SP140L: variants seen among roughly 807,000 people sequenced by gnomAD.
SP140L encodes the protein SP140 like nuclear body protein, also known as nuclear body protein SP140-like protein.
Under a neutral mutation model 84.3 loss-of-function variants are expected in SP140L, and 64 were observed. The observed-to-expected ratio is 0.76, with a 90% CI of 0.62 to 0.94. SP140L has a LOEUF of 0.94. Among genes scored for constraint, SP140L ranks in the 40% least tolerant of loss-of-function variants. SP140L has a pLI of 0.00. For synonymous variants in SP140L, 242 were observed against 236.9 expected, an observed-to-expected ratio of 1.02 and a Z score of -0.20; for missense variants, 628 against 692.5, an observed-to-expected ratio of 0.91 and a Z score of 1.05.
At chr2:230,354,844 GAAAGGAAA>G (rs1234302887) in intron 2 of SP140L, among the ~76,000 whole-genome samples, 9 of 83,806 alleles carry the variant, frequency 1.1e-4, no homozygotes, top group African/African-American at 2.9e-4. Flanking sequence ...AAGAAAGAAA[GAAAGGAAA>G]GAAAGAAAGA....
rs763479508 is a variant in SP140L, at chr2:230,357,797, T to C, written c.108-8T>C. On this transcript the variant is annotated splice_region_variant and splice_polypyrimidine_tract_variant and intron_variant, in intron 2 of 18. Transcript: ENST00000415673. ...TGACCATTTTCATTTGGTGTCCTTT[T>C]TCCTTAGGCTGTTCACGGAAGACCA... 45 of 1,594,680 alleles carry C rather than the reference T, an allele frequency of 2.8e-5. No individual in the cohort carries two copies. The highest frequency in any genetic ancestry group is 3.7e-5 in the Non-Finnish European group (43 of 1,173,688).
intron 10 of SP140L, among the ~76,000 whole-genome samples, chr2:230,389,055 A>C (rs965344367): frequency 6.6e-6 from 1 of 152,120 alleles, no homozygotes; most frequent in Non-Finnish European, 1.5e-5. Flanking sequence ...AAAATCTTTG[A>C]CTGTGTGATC....
At chr2:230,341,733 C>A (rs1291403333) in intron 2 of SP140L, among the ~76,000 whole-genome samples, 1 of 152,032 alleles carries the variant, frequency 6.6e-6, no homozygotes. Context: ...AGCTGCAGGT[C>A]TGTTGGAGTA....
chr2:230,333,164 A>AT (rs777170281), intron 2 of SP140L, among the ~76,000 whole-genome samples: 8,078 of 143,542 alleles, frequency 0.056, 621 homozygotes, highest in African/African-American at 0.17. Context: ...TGCCATTCTG[A>AT]TTTTTTTTTT....
At chr2:230,386,345 A>T (rs1245250259) in intron 9 of SP140L, among the ~76,000 whole-genome samples, 2 of 152,194 alleles carry the variant, frequency 1.3e-5, no homozygotes, top group African/African-American at 4.8e-5. Context: ...ACAATTGGTC[A>T]TTCTACTTGG....
At chr2:230,365,907 T>C (rs2060854105) in intron 5 of SP140L, among the ~76,000 whole-genome samples, 1 of 152,150 alleles carries the variant, frequency 6.6e-6, no homozygotes, top group Admixed American at 6.5e-5. Context: ...CAAGAGTGTG[T>C]TTAATTTCCA....
At chr2:230,341,779 G>T (rs1416029983) in intron 2 of SP140L, among the ~76,000 whole-genome samples, 2 of 152,142 alleles carry the variant, frequency 1.3e-5, no homozygotes, top group East Asian at 3.9e-4. Context: ...CCCCTGCTGG[G>T]GGGTGCCTCC....
At chr2:230,352,029 A>G (rs2060380027) in intron 2 of SP140L, among the ~76,000 whole-genome samples, 1 of 152,228 alleles carries the variant, frequency 6.6e-6, no homozygotes, top group African/African-American at 2.4e-5. Flanking sequence ...TTTTAAAATT[A>G]CTACTTTTTT....
At chr2:230,384,630 T>G (rs1028122439) in intron 8 of SP140L, among the ~76,000 whole-genome samples, 2 of 152,292 alleles carry the variant, frequency 1.3e-5, no homozygotes, top group African/African-American at 4.8e-5. Context: ...TGGGTGTTTT[T>G]GGCCGGGCAT....
intron 14 of SP140L, 66 bp downstream of exon 14, chr2:230,396,864 T>C: frequency 6.3e-7 from 1 of 1,579,808 alleles, no homozygotes; most frequent in Non-Finnish European, 8.7e-7. Flanking sequence ...ATATGTTCTG[T>C]GTCATGACTG....
intron 2 of SP140L, among the ~76,000 whole-genome samples, chr2:230,329,802 T>G (rs748781883): frequency 2.0e-5 from 3 of 152,212 alleles, no homozygotes; most frequent in Non-Finnish European, 4.4e-5. Flanking sequence ...CAAAACAGAT[T>G]AATACATCTA....
Position 230,401,070 on chromosome 2 carries a change from C to G in SP140L, c.1422+7C>G. 1 of 1,151,784 alleles carries G rather than the reference C, an allele frequency of 8.7e-7. No homozygotes were observed. Among genetic ancestry groups the G allele is most frequent in the Non-Finnish European group, 1.2e-6 (1 of 814,996 alleles). The allele number at this position is 1,151,784 out of a possible 1,614,324, so 71.3% of individuals were successfully genotyped here. A position where few individuals can be genotyped will look rare whatever the true frequency, so the allele number is the denominator to read the frequency against. ...GTGTCCTGAGGAACAGTTGGTAAAT[C>G]AGATGCAAACCCCAAGCCTTCTCCT... On this transcript the variant is annotated splice_region_variant and intron_variant, in intron 16 of 18. Coordinates refer to ENST00000415673, the MANE Select transcript of SP140L (RefSeq NM_138402.6).
chr2:230,402,285 A>G (rs1178766671), intron 18 of SP140L, among the ~76,000 whole-genome samples: 1 of 152,218 alleles, frequency 6.6e-6, no homozygotes, highest in Admixed American at 6.5e-5. Flanking sequence ...CACTATCTGA[A>G]TTGTTGAAAG....
chr2:230,389,317 T>G (rs1230202570), intron 10 of SP140L, among the ~76,000 whole-genome samples: 2 of 152,150 alleles, frequency 1.3e-5, no homozygotes, highest in African/African-American at 4.8e-5. Context: ...TTCTGTAGTA[T>G]CCGGTTCTCA....
At chr2:230,329,806 A>G (rs770492310) in intron 2 of SP140L, among the ~76,000 whole-genome samples, 1 of 152,216 alleles carries the variant, frequency 6.6e-6, no homozygotes, top group Non-Finnish European at 1.5e-5. Context: ...ACAGATTAAT[A>G]CATCTAGCTT....
intron 7 of SP140L, among the ~76,000 whole-genome samples, chr2:230,380,789 CA>C (rs2061379285): frequency 6.6e-6 from 1 of 152,138 alleles, no homozygotes; most frequent in Non-Finnish European, 1.5e-5. Flanking sequence ...GAGATTCATT[CA>C]TATCATTGGA....
chr2:230,353,686 C>G lies in SP140L; in HGVS notation c.108-4119C>G, dbSNP rs147285892. Among the ~76,000 whole-genome samples, 144 of 151,978 alleles carry G rather than the reference C, an allele frequency of 9.5e-4. 2 individuals carry two copies. The highest frequency in any genetic ancestry group is 2.1e-3 in the African/African-American group (88 of 41,456). ...TCAATATCATCAATATTGACGATACCTTCGATATCACTAATATTACCTTTC... is the reference window on the plus strand; with the variant it reads ...TCAATATCATCAATATTGACGATACGTTCGATATCACTAATATTACCTTTC... On this transcript the variant is annotated intron_variant, in intron 2 of 18. Transcript: ENST00000415673.
In SP140L at chr2:230,361,611, C is replaced by T; in HGVS notation, c.440-3C>T. The T allele has an allele frequency of 6.4e-7, 1 of 1,556,258 alleles. No homozygotes were observed. Among genetic ancestry groups the T allele is most frequent in the African/African-American group, 1.4e-5 (1 of 73,456 alleles). ...TTGCTTTCTTCTCTCTCCCACTCTT[C>T]AGCAATCCAAGACAAATTGTCTTTC... On this transcript the variant is annotated splice_polypyrimidine_tract_variant and splice_region_variant and intron_variant, in intron 4 of 18. Coordinates refer to ENST00000415673, the MANE Select transcript of SP140L (RefSeq NM_138402.6).
In SP140L at chr2:230,327,415, A is replaced by G. The variant is rs983485676; in HGVS notation, c.32+114A>G. On this transcript the variant is annotated intron_variant, in intron 1 of 18. Coordinates refer to ENST00000415673, the MANE Select transcript of SP140L (RefSeq NM_138402.6). ...GTTTAGTCCTGCTTTGCAAGAACAT[A>G]GGTAGGTAGTGTAATATAATGGAAT... 44 of 1,206,728 alleles carry G rather than the reference A, an allele frequency of 3.6e-5. 1 individual carries two copies. The Admixed American group carries it at 9.2e-4, about 25-fold the overall frequency. 74.8% of individuals were successfully genotyped at this position (1,206,728 alleles called of 1,614,324 possible). A position where few individuals can be genotyped will look rare whatever the true frequency, so the allele number is the denominator to read the frequency against.
Sources: gnomAD v4.1 joint callset for allele counts (sites outside exome capture counted in the v4.1 genomes callset) on GRCh38, gnomAD v4.1.1 for gene constraint, MANE v1.5 for transcripts, NCBI Gene and HGNC (gene_info 2026-07-23, HGNC 2026-07-21) for gene names.